The following NECAB1 variants were observed in gnomAD, a reference collection of about 807,000 sequenced individuals.
NECAB1 encodes N-terminal EF-hand calcium-binding protein 1.
NECAB1 carries 29 observed loss-of-function variants against 57.5 expected under a neutral mutation model. That is an observed-to-expected ratio of 0.50 (90% CI 0.38 to 0.69). The LOEUF (loss-of-function observed/expected upper bound fraction) is 0.69. Ranked by LOEUF, NECAB1 falls within the 30% of genes least tolerant of loss-of-function variation. The probability of loss-of-function intolerance (pLI) is 0.00; values close to 1 mark genes in which losing one functional copy is unlikely to be tolerated. For synonymous variants in NECAB1, 142 were observed against 147.7 expected (o/e 0.96, Z 0.28); for missense variants, 372 against 413.8 (o/e 0.90, Z 0.88).
intron 5 of NECAB1, among the ~76,000 whole-genome samples, chr8:90,914,319 A>G (rs1033331264): frequency 2.6e-5 from 4 of 152,206 alleles, no homozygotes; most frequent in African/African-American, 4.8e-5. Flanking sequence ...ACAAAAATAC[A>G]TAGAAGTGGA....
intron 3 of NECAB1, among the ~76,000 whole-genome samples, chr8:90,856,618 G>A (rs1812799653): frequency 6.6e-6 from 1 of 152,200 alleles, no homozygotes; most frequent in African/African-American, 2.4e-5. Flanking sequence ...ATCCACTCAT[G>A]AATTTTATTT....
intron 2 of NECAB1, among the ~76,000 whole-genome samples, chr8:90,802,288 G>A (rs899150099): frequency 1.3e-5 from 2 of 152,164 alleles, no homozygotes; most frequent in African/African-American, 4.8e-5. Context: ...ATAATCTATA[G>A]CAACAGAGAA....
intron 3 of NECAB1, 24 bp from the exon 4 acceptor site, chr8:90,872,104 T>G (rs756091944): frequency 1.1e-5 from 17 of 1,497,582 alleles, no homozygotes; most frequent in Admixed American, 1.1e-4. Flanking sequence ...AATAACACTG[T>G]TTTTTTTTGT....
chr8:90,955,428 A>G (rs1191700926), intron 12 of NECAB1, 59 bp from the exon 13 acceptor site: 6 of 1,269,840 alleles, frequency 4.7e-6, no homozygotes, highest in Non-Finnish European at 6.7e-6. Context: ...TTGCACCTTG[A>G]ATGTTCTTTG....
chr8:90,943,411 A>G (rs16906664), intron 10 of NECAB1, among the ~76,000 whole-genome samples: 2,327 of 152,310 alleles, frequency 0.015, 46 homozygotes, highest in African/African-American at 0.053. Flanking sequence ...ACTATATCAG[A>G]TGGAATGAGC....
intron 2 of NECAB1, among the ~76,000 whole-genome samples, 191 bp from the exon 3 acceptor site, chr8:90,824,526 G>T (rs1410052087): frequency 2.0e-5 from 3 of 151,780 alleles, no homozygotes; most frequent in Non-Finnish European, 2.9e-5. Flanking sequence ...TTTTATTAGA[G>T]TGTACACATC....
intron 3 of NECAB1, among the ~76,000 whole-genome samples, chr8:90,858,741 T>C (rs2129801347): frequency 6.6e-6 from 1 of 152,314 alleles, no homozygotes; most frequent in African/African-American, 2.4e-5. Context: ...CATTTTCTTT[T>C]CATTCCATTG....
At chr8:90,892,115 T>C (rs187989692) in intron 5 of NECAB1, among the ~76,000 whole-genome samples, 8 of 152,322 alleles carry the variant, frequency 5.3e-5, no homozygotes, top group Non-Finnish European at 8.8e-5. Context: ...TCAGAAAATA[T>C]TTGTAAGGAT....
intron 3 of NECAB1, among the ~76,000 whole-genome samples, chr8:90,854,637 AC>A (rs1812758754): frequency 6.6e-6 from 1 of 152,220 alleles, no homozygotes. Context: ...AATTACATAT[AC>A]CCCTGCCTTG....
At chr8:90,840,176 T>G (rs1001752485) in intron 3 of NECAB1, among the ~76,000 whole-genome samples, 2 of 152,220 alleles carry the variant, frequency 1.3e-5, no homozygotes, top group African/African-American at 4.8e-5. Context: ...CTTCACGGAT[T>G]GAGTTAGACG....
intron 4 of NECAB1, among the ~76,000 whole-genome samples, chr8:90,874,465 A>G (rs748277808): frequency 1.6e-4 from 25 of 152,236 alleles, no homozygotes; most frequent in Non-Finnish European, 2.9e-4. Context: ...CGTATAAGCT[A>G]ACATGTCAAT....
intron 1 of NECAB1, 68 bp from the exon 2 acceptor site, chr8:90,801,623 G>A: frequency 1.1e-6 from 1 of 900,388 alleles, no homozygotes; most frequent in Non-Finnish European, 1.7e-6. Context: ...TAAATTATGT[G>A]TAAGTGTAAC....
chr8:90,959,067 T>C lies in NECAB1; in HGVS notation c.*3555T>C, dbSNP rs1429538295. 1.0e-6 allele frequency: 1 copy of C among 1,002,906 alleles called. No homozygotes were observed. The allele number at this position is 1,002,906 out of a possible 1,614,324, so 62.1% of individuals were successfully genotyped here. A position where few individuals can be genotyped will look rare whatever the true frequency, so the allele number is the denominator to read the frequency against. On this transcript the variant is annotated 3_prime_UTR_variant, in exon 13 of 13. Coordinates refer to ENST00000417640, the MANE Select transcript of NECAB1 (RefSeq NM_022351.5). ...AAGAAAAAGTTAATTTATCAATTGA[T>C]TGAATACAGTTTTTACTAATTAGTT... is the stretch of plus-strand genomic sequence containing the variant.
At chr8:90,938,503 A>G (rs1810594138) in intron 9 of NECAB1, among the ~76,000 whole-genome samples, 2 of 152,174 alleles carry the variant, frequency 1.3e-5, no homozygotes, top group African/African-American at 4.8e-5. Flanking sequence ...ACATCCTACA[A>G]TTTGTTTCGG....
At chr8:90,918,413 G>T (rs1429485158) in intron 6 of NECAB1, among the ~76,000 whole-genome samples, 1 of 151,958 alleles carries the variant, frequency 6.6e-6, no homozygotes, top group East Asian at 1.9e-4. Context: ...CCTTAAGGAA[G>T]CCTAAGTCTA....
At chr8:90,794,464 T>C (rs1263362671) in intron 1 of NECAB1, among the ~76,000 whole-genome samples, 3 of 152,156 alleles carry the variant, frequency 2.0e-5, no homozygotes, top group Admixed American at 6.5e-5. Context: ...TTTCCAAATT[T>C]GAGGAAAACT....
intron 1 of NECAB1, among the ~76,000 whole-genome samples, chr8:90,800,362 TGG>T (rs1231647811): frequency 6.6e-6 from 1 of 152,060 alleles, no homozygotes; most frequent in Non-Finnish European, 1.5e-5. Flanking sequence ...GTGGTGAGAG[TGG>T]GCGTCCTTGT....
At chr8:90,849,381 A>T (rs1027213371) in intron 3 of NECAB1, among the ~76,000 whole-genome samples, 2 of 151,880 alleles carry the variant, frequency 1.3e-5, no homozygotes, top group African/African-American at 2.4e-5. Flanking sequence ...AGGTGGGAGG[A>T]TCACTTGAGC....
At chr8:90,909,534 G>A (rs148625765) in intron 5 of NECAB1, among the ~76,000 whole-genome samples, 4 of 152,074 alleles carry the variant, frequency 2.6e-5, no homozygotes, top group East Asian at 1.9e-4. Flanking sequence ...CACAATTTTC[G>A]GGGACCGTTT....
Sources: allele counts gnomAD v4.1 joint callset (sites outside exome capture counted in the v4.1 genomes callset), GRCh38; gene constraint gnomAD v4.1.1; transcripts MANE v1.5; gene names NCBI Gene and HGNC (gene_info 2026-07-23, HGNC 2026-07-21).